Variants in FLOT1 observed in about 807,000 individuals in gnomAD.
FLOT1 encodes the protein flotillin-1.
Under a neutral mutation model 58.4 loss-of-function variants are expected in FLOT1, and 40 were observed. That is an observed-to-expected ratio of 0.69 (90% CI 0.53 to 0.89). The LOEUF is 0.89. FLOT1 is among the 40% of genes least tolerant of loss of function. The probability of loss-of-function intolerance (pLI) is 0.00; values close to 1 mark genes in which losing one functional copy is unlikely to be tolerated. For missense variants in FLOT1, 423 were observed against 540.8 expected (o/e 0.78, Z 2.16); for synonymous variants, 178 against 204.2 (o/e 0.87, Z 1.09).
chr6:30,740,122 G>A, intron 8 of FLOT1, 36 bp downstream of exon 8: 2 of 1,606,452 alleles, frequency 1.2e-6, no homozygotes, highest in Non-Finnish European at 1.7e-6. Flanking sequence ...AGAGGAATGG[G>A]GAAGGGGCAG....
Position 30,741,499 on chromosome 6 carries a change from G to A in FLOT1, c.210+115C>T. On this transcript the variant is annotated intron_variant, in intron 4 of 12. Transcript: ENST00000376389. The surrounding 1 kb of genome is among the most constrained non-coding windows in gnomAD (Gnocchi z 5.9). Reference sequence around the variant, plus strand: ...GTGCCTGGAAAAGATGAGACTAGCAGAGGAACTTCTCTGCAGGCAAGGGTT... The same window carrying A: ...GTGCCTGGAAAAGATGAGACTAGCAAAGGAACTTCTCTGCAGGCAAGGGTT... 2 of 1,246,358 alleles carry A rather than the reference G, an allele frequency of 1.6e-6. No individual in the cohort carries two copies. Among genetic ancestry groups the A allele is most frequent in the Non-Finnish European group, 2.3e-6 (2 of 860,184 alleles). 77.2% of individuals were successfully genotyped at this position (1,246,358 alleles called of 1,614,324 possible). A position where few individuals can be genotyped will look rare whatever the true frequency, so the allele number is the denominator to read the frequency against.
chr6:30,739,389 A>G (rs1413662117), intron 8 of FLOT1, among the ~76,000 whole-genome samples: 1 of 146,920 alleles, frequency 6.8e-6, no homozygotes, highest in Admixed American at 6.8e-5. Flanking sequence ...TCTTTTTTTG[A>G]GATGGAGTCT....
Position 30,742,128 on chromosome 6 carries a change from AG to A in FLOT1, c.43+18del. On this transcript the variant is annotated intron_variant, in intron 2 of 12. Transcript: ENST00000376389. This position sits in a 1 kb window ranked among gnomAD's most constrained non-coding sequence, Gnocchi z 5.2. ...GGGGTTCTGGGGTCACTGGCTGGGAAGGGAACAACAGTACTTACCGGAGACC... is the reference window on the plus strand; with the variant it reads ...GGGGTTCTGGGGTCACTGGCTGGGAAGGAACAACAGTACTTACCGGAGACC... 6.2e-7 allele frequency: 1 copy of A among 1,611,894 alleles called. No homozygotes were observed. The highest frequency in any genetic ancestry group is 2.2e-5 in the East Asian group (1 of 44,868).
At chr6:30,739,892 G>C (rs941337982) in intron 8 of FLOT1, among the ~76,000 whole-genome samples, 2 of 152,000 alleles carry the variant, frequency 1.3e-5, no homozygotes, top group African/African-American at 4.8e-5. Flanking sequence ...GAACTCCTGA[G>C]GTCAAGCAAT....
chr6:30,741,859 G>A lies in FLOT1; in HGVS notation c.52C>T (p.Arg18Ter), dbSNP rs777550120. ...NEAMVVSGFC[R>*]SPPVMVAGGR... ...CCAGCCACCATGACTGGGGGGCTTC[G>A]GCAGAACCCTGCAAGGTGTGGGGCA... Residue 18 changes from arginine to a stop codon, truncating the protein, a stop_gained, in exon 3 of 13, where the codon CGA becomes TGA. Coordinates refer to ENST00000376389, the MANE Select transcript of FLOT1 (RefSeq NM_005803.4). LOFTEE classifies it high-confidence loss of function. The surrounding 1 kb of genome is among the most constrained non-coding windows in gnomAD (Gnocchi z 5.9). The A allele has an allele frequency of 6.2e-7, 1 of 1,612,534 alleles. No individual in the cohort carries two copies. The highest frequency in any genetic ancestry group is 8.5e-7 in the Non-Finnish European group (1 of 1,179,988).
At chr6:30,732,008 C>A (rs954022268) in intron 8 of FLOT1, among the ~76,000 whole-genome samples, 3 of 152,166 alleles carry the variant, frequency 2.0e-5, no homozygotes, top group Admixed American at 2.0e-4. Context: ...CGCTCTATTG[C>A]CCAGGCTGGA....
At chr6:30,733,838 C>T (rs1260287006) in intron 8 of FLOT1, among the ~76,000 whole-genome samples, 1 of 150,970 alleles carries the variant, frequency 6.6e-6, no homozygotes, top group African/African-American at 2.4e-5. Context: ...ATAACTTGAA[C>T]CCAGGAGTTC....
chr6:30,730,637 C>A (rs1328288076), intron 10 of FLOT1, 45 bp downstream of exon 10: 3 of 1,613,716 alleles, frequency 1.9e-6, no homozygotes, highest in Non-Finnish European at 2.5e-6. Context: ...AAGCAGCAAC[C>A]CCCACCCTCT....
In FLOT1 at chr6:30,737,239, TCCGTCC is replaced by T. The variant is rs1431185261; in HGVS notation, c.723+2913_723+2918del. 3.0e-5 allele frequency among the ~76,000 whole-genome samples: 4 copies of T among 134,174 alleles called. No homozygotes were observed. The highest frequency in any genetic ancestry group is 6.2e-5 in the Non-Finnish European group (4 of 64,242). 88.0% of individuals were successfully genotyped at this position (134,174 alleles called of 152,430 possible). On this transcript the variant is annotated intron_variant, in intron 8 of 12. Coordinates refer to ENST00000376389, the MANE Select transcript of FLOT1 (RefSeq NM_005803.4). The surrounding 1 kb of genome is among the most constrained non-coding windows in gnomAD (Gnocchi z 4.4). ...GTCCGTCCGTCCGTCCGTCCGTCCG[TCCGTCC>T]GTCCATCCGTCCATCCATCCATCCA...
intron 8 of FLOT1, among the ~76,000 whole-genome samples, chr6:30,739,843 G>A (rs1429403823): frequency 1.3e-5 from 2 of 151,216 alleles, no homozygotes; most frequent in East Asian, 2.0e-4. Flanking sequence ...TGTATTTTTC[G>A]CATAGACACG....
Position 30,741,694 on chromosome 6 carries a change from TGA to T in FLOT1, c.128_129del (p.Leu43GlnfsTer10). The T allele has an allele frequency of 6.2e-7, 1 of 1,612,600 alleles. No individual in the cohort carries two copies. The highest frequency in any genetic ancestry group is 8.5e-7 in the Non-Finnish European group (1 of 1,179,784). On this transcript the variant is annotated frameshift_variant, in exon 4 of 13. Coordinates refer to ENST00000376389, the MANE Select transcript of FLOT1 (RefSeq NM_005803.4). LOFTEE classifies it high-confidence loss of function. This position sits in a 1 kb window ranked among gnomAD's most constrained non-coding sequence, Gnocchi z 5.9. Reference sequence around the variant, plus strand: ...CTCTTGACATTGAGGGTCAGTGTGTTGAGAGAGATCCTAGGGGAAAAAGAAGG... The same window carrying T: ...CTCTTGACATTGAGGGTCAGTGTGTTGAGAGATCCTAGGGGAAAAAGAAGG... Reference protein sequence around the residue: ...PCIQQIQRISLNTLTLNVKSE... With the variant: ...PCIQQIQRISXNTLTLNVKSE...
rs1158438188 is a variant in FLOT1, at chr6:30,730,117, T to G, written c.1159A>C (p.Thr387Pro). ...KITLVSSGSG[T>P]MGAAKVTGEV... Reference sequence around the variant, plus strand: ...CCAGTCACTTTGGCTGCCCCCATGGTCCCACTGCCGCTGGACACCAGTGTG... The same window carrying G: ...CCAGTCACTTTGGCTGCCCCCATGGGCCCACTGCCGCTGGACACCAGTGTG... The change falls in exon 12 of 13, where the codon ACC becomes CCC. Residue 387 changes from threonine to proline, a missense_variant. This residue lies in a region of FLOT1 where 42 missense variants were observed against 74.4 expected (regional missense o/e 0.56). Transcript: ENST00000376389. 1.2e-6 allele frequency: 2 copies of G among 1,612,910 alleles called. No individual in the cohort carries two copies.
rs939714566 is a variant in FLOT1, at chr6:30,738,119, C to T, written c.723+2039G>A. On this transcript the variant is annotated intron_variant, in intron 8 of 12. Coordinates refer to ENST00000376389, the MANE Select transcript of FLOT1 (RefSeq NM_005803.4). ...CCATCATGGTAACCCTTTTCAAACT[C>T]AAACTCCAATGTGCATACAAATCAC... Among the ~76,000 whole-genome samples the T allele has an allele frequency of 3.4e-4, 51 of 152,210 alleles. 1 individual carries two copies. Among genetic ancestry groups the T allele is most frequent in the Admixed American group, 3.1e-3 (47 of 15,280 alleles).
chr6:30,742,335 T>C lies in FLOT1; in HGVS notation c.-14-132A>G. ...CCACGGCCCGTCCCTTCTACACCCA[T>C]GGGTCCGCTAAGGCTTTTCCCTACA... On this transcript the variant is annotated intron_variant, in intron 1 of 12. Transcript: ENST00000376389. This position sits in a 1 kb window ranked among gnomAD's most constrained non-coding sequence, Gnocchi z 5.2. 1 of 738,424 alleles carries C rather than the reference T, an allele frequency of 1.4e-6. No homozygotes were observed. Among genetic ancestry groups the C allele is most frequent in the East Asian group, 2.5e-5 (1 of 39,466 alleles). The allele number at this position is 738,424 out of a possible 1,614,324, so 45.7% of individuals were successfully genotyped here.
In FLOT1 at chr6:30,742,064, T is replaced by G. The variant is rs1398959836; in HGVS notation, c.43+83A>C. ...GGGCAGAAGTCTGGTGCTGGGAAGT[T>G]GGTAGGGAGAGGGAGAAGGGGCAGA... On this transcript the variant is annotated intron_variant, in intron 2 of 12. Coordinates refer to ENST00000376389, the MANE Select transcript of FLOT1 (RefSeq NM_005803.4). This position sits in a 1 kb window ranked among gnomAD's most constrained non-coding sequence, Gnocchi z 5.2. 1 of 1,432,052 alleles carries G rather than the reference T, an allele frequency of 7.0e-7. No homozygotes were observed. Among genetic ancestry groups the G allele is most frequent in the Non-Finnish European group, 9.8e-7 (1 of 1,020,794 alleles). 88.7% of individuals were successfully genotyped at this position (1,432,052 alleles called of 1,614,324 possible).
intron 8 of FLOT1, 53 bp downstream of exon 8, chr6:30,740,105 C>A: frequency 6.4e-7 from 1 of 1,556,686 alleles, no homozygotes; most frequent in East Asian, 2.3e-5. Flanking sequence ...CTGAGATGGA[C>A]AGCCTGAGAG....
At position 30,741,947 on chromosome 6, in the gene FLOT1, G is replaced by A. The variant is rs1778021214; in HGVS notation, c.44-80C>T. ...AGGAACTGGCGGGGGTGAGGGGACA[G>A]CAACCCACAGGAGAGAATCTGGGAG... On this transcript the variant is annotated intron_variant, in intron 2 of 12. Coordinates refer to ENST00000376389, the MANE Select transcript of FLOT1 (RefSeq NM_005803.4). The surrounding 1 kb of genome is among the most constrained non-coding windows in gnomAD (Gnocchi z 5.9). The A allele has an allele frequency of 1.5e-6, 2 of 1,352,690 alleles. No individual in the cohort carries two copies. The highest frequency in any genetic ancestry group is 1.1e-6 in the Non-Finnish European group (1 of 951,028). 83.8% of individuals were successfully genotyped at this position (1,352,690 alleles called of 1,614,324 possible).
At chr6:30,728,502 C>T (rs1776905157) in intron 12 of FLOT1, among the ~76,000 whole-genome samples, 1 of 150,592 alleles carries the variant, frequency 6.6e-6, no homozygotes, top group Non-Finnish European at 1.5e-5. Flanking sequence ...CGGAATCTCA[C>T]TCTATCACCC....
rs1777947455 is a variant in FLOT1 at position 30,741,122 on chromosome 6, A to G, written c.354+68T>C. 16 of 1,562,054 alleles carry G rather than the reference A, an allele frequency of 1.0e-5. No individual in the cohort carries two copies. In the South Asian group the frequency reaches 1.2e-4, roughly 12 times the overall value. ...CTCTTGGATCCACTGTCTCTCACAG[A>G]CTAGTGTGGGCCTTGGGCCCCCCTC... is the stretch of plus-strand genomic sequence containing the variant. On this transcript the variant is annotated intron_variant, in intron 5 of 12. Transcript: ENST00000376389. This position sits in a 1 kb window ranked among gnomAD's most constrained non-coding sequence, Gnocchi z 5.9.
Sources: gnomAD v4.1 joint callset for allele counts (sites outside exome capture counted in the v4.1 genomes callset) on GRCh38, gnomAD v4.1.1 for gene constraint, gnomAD v4.1.1 regional missense constraint, Gnocchi (gnomAD v3.1) non-coding constraint, MANE v1.5 for transcripts, NCBI Gene and HGNC (gene_info 2026-07-23, HGNC 2026-07-21) for gene names.